WDFY1: variants seen among roughly 807,000 people sequenced by gnomAD.
WDFY1 encodes the protein WD repeat and FYVE domain containing 1.
Under a neutral mutation model 56.4 loss-of-function variants are expected in WDFY1, and 32 were observed. The ratio of observed to expected loss-of-function variants is 0.57; its 90% CI spans 0.43 to 0.76. The LOEUF (loss-of-function observed/expected upper bound fraction) is 0.76. Among genes scored for constraint, WDFY1 ranks in the 30% least tolerant of loss-of-function variants. The pLI, the probability that WDFY1 is intolerant of heterozygous loss-of-function variation, is 0.00. For synonymous variants in WDFY1, 192 were observed against 197.3 expected (o/e 0.97, Z 0.23); for missense variants, 480 against 545.7 (o/e 0.88, Z 1.20).
At chr2:223,891,652 A>G (rs1405336955) in intron 8 of WDFY1, among the ~76,000 whole-genome samples, 1 of 152,168 alleles carries the variant, frequency 6.6e-6, no homozygotes, top group African/African-American at 2.4e-5. Context: ...CTTTGACGGT[A>G]GGAATCCCAC....
chr2:223,892,821 A>G (rs1693301297), intron 8 of WDFY1, among the ~76,000 whole-genome samples: 1 of 152,260 alleles, frequency 6.6e-6, no homozygotes, highest in African/African-American at 2.4e-5. Flanking sequence ...CATGCAACAC[A>G]GTAGGTACTG....
Position 223,945,318 on chromosome 2 carries a change from G to A in WDFY1, c.-34C>T, listed in dbSNP as rs755675017. ...GGCGACTGCTGCGGCCTCCTCGGCA[G>A]GCAGCCCATCAGCTGACGCCTGGGC... On this transcript the variant is annotated 5_prime_UTR_variant, in exon 1 of 12. Coordinates refer to ENST00000233055, the MANE Select transcript of WDFY1 (RefSeq NM_020830.5). The A allele has an allele frequency of 1.3e-6, 2 of 1,548,064 alleles. No individual in the cohort carries two copies. Among genetic ancestry groups the A allele is most frequent in the East Asian group, 5.2e-5 (2 of 38,610 alleles).
chr2:223,917,309 T>C (rs1274440975), intron 2 of WDFY1, among the ~76,000 whole-genome samples: 1 of 152,154 alleles, frequency 6.6e-6, no homozygotes, highest in Non-Finnish European at 1.5e-5. Context: ...CCTTTTTTAG[T>C]GTTGATATCG....
chr2:223,931,245 C>T (rs7609400), intron 1 of WDFY1, among the ~76,000 whole-genome samples: 127,542 of 151,706 alleles, frequency 0.84, 54,335 homozygotes, highest in Non-Finnish European at 0.93. Flanking sequence ...AAAATGGAAG[C>T]AGTCACTGAA....
intron 6 of WDFY1, among the ~76,000 whole-genome samples, chr2:223,897,390 A>ATTTTTTT (rs1553536123): frequency 4.8e-5 from 6 of 125,994 alleles, no homozygotes; most frequent in African/African-American, 1.8e-4. Context: ...ATATATATAT[A>ATTTTTTT]TTTTTTAAGA....
chr2:223,919,279 C>T (rs1402590848), intron 1 of WDFY1, among the ~76,000 whole-genome samples: 5 of 152,328 alleles, frequency 3.3e-5, no homozygotes, highest in South Asian at 2.1e-4. Flanking sequence ...GGCACGATCT[C>T]GGCTCACTGC....
Position 223,882,054 on chromosome 2 carries a change from C to T in WDFY1, c.952G>A (p.Gly318Arg), listed in dbSNP as rs144919121. 3 of 1,613,634 alleles carry T rather than the reference C, an allele frequency of 1.9e-6. No individual in the cohort carries two copies. The highest frequency in any genetic ancestry group is 2.5e-6 in the Non-Finnish European group (3 of 1,179,730). The change falls in exon 10 of 12, where the codon GGG becomes AGG. Residue 318 changes from glycine (G) to arginine (R), a missense_variant. Physicochemically the swap from Gly to Arg is moderately radical, Grantham distance 125. Transcript: ENST00000233055. The stretch of plus-strand genomic sequence containing the variant: ...CTGCACTTCCCGCAGACAGCCTGCC[C>T]GCATTTCCTGCAGTGATGCTTCACA... Reference protein sequence around the residue: ...GLRQHHCRKCGQAVCGKCSSK... With the variant: ...GLRQHHCRKCRQAVCGKCSSK...
At chr2:223,928,786 G>T (rs1559174528) in intron 1 of WDFY1, among the ~76,000 whole-genome samples, 1 of 152,186 alleles carries the variant, frequency 6.6e-6, no homozygotes. Context: ...ACTCACCCTG[G>T]CCTATGCTGG....
chr2:223,911,566 C>CCACACA lies in WDFY1; in HGVS notation c.279+681_279+686dup, dbSNP rs58131865. The stretch of plus-strand genomic sequence containing the variant: ...GTTCTGTGAGTTGCTAGCTGAATGA[C>CCACACA]CACACACACACACACACACACACAC... On this transcript the variant is annotated intron_variant, in intron 3 of 11. Coordinates refer to ENST00000233055, the MANE Select transcript of WDFY1 (RefSeq NM_020830.5). Among the ~76,000 whole-genome samples, 692 of 136,112 alleles carry CCACACA rather than the reference C, an allele frequency of 5.1e-3. 3 individuals are homozygous for CCACACA. The highest frequency in any genetic ancestry group is 0.013 in the African/African-American group (484 of 36,240). 89.3% of individuals were successfully genotyped at this position (136,112 alleles called of 152,430 possible). A position where few individuals can be genotyped will look rare whatever the true frequency, so the allele number is the denominator to read the frequency against.
At chr2:223,912,227 A>G in intron 3 of WDFY1, 26 bp downstream of exon 3, 1 of 1,591,930 alleles carries the variant, frequency 6.3e-7, no homozygotes, top group Non-Finnish European at 8.5e-7. Context: ...AAAGAATACA[A>G]TAAATACATT....
intron 2 of WDFY1, among the ~76,000 whole-genome samples, chr2:223,915,981 C>G (rs1693780521): frequency 6.6e-6 from 1 of 152,210 alleles, no homozygotes; most frequent in Admixed American, 6.5e-5. Flanking sequence ...TACATGCAGA[C>G]ATGGGTAACA....
At chr2:223,914,145 C>T (rs1339181310) in intron 2 of WDFY1, among the ~76,000 whole-genome samples, 1 of 151,930 alleles carries the variant, frequency 6.6e-6, no homozygotes, top group South Asian at 2.1e-4. Flanking sequence ...TACAGGCAGC[C>T]ACCACCACAC....
intron 1 of WDFY1, among the ~76,000 whole-genome samples, chr2:223,918,902 T>C (rs552778447): frequency 9.9e-5 from 15 of 152,186 alleles, no homozygotes; most frequent in African/African-American, 3.6e-4. Context: ...CCACACCACA[T>C]CTCTGGGGCC....
intron 1 of WDFY1, among the ~76,000 whole-genome samples, chr2:223,936,058 C>CTTT (rs375847263): frequency 1.9e-5 from 2 of 105,656 alleles, no homozygotes; most frequent in South Asian, 3.5e-4. Context: ...TCCCAAAGTC[C>CTTT]TTTTTTTTTT....
intron 6 of WDFY1, 32 bp downstream of exon 6, chr2:223,898,925 CA>C (rs754482525): frequency 1.2e-5 from 19 of 1,572,010 alleles, no homozygotes; most frequent in East Asian, 4.5e-5. Context: ...CCAAGTTAGG[CA>C]AAAAAAACTC....
At chr2:223,930,440 T>C (rs1355525223) in intron 1 of WDFY1, among the ~76,000 whole-genome samples, 3 of 152,178 alleles carry the variant, frequency 2.0e-5, no homozygotes, top group Admixed American at 2.0e-4. Context: ...GGCGATTCTC[T>C]TGCCTCAGCC....
At chr2:223,932,092 T>G (rs1034341897) in intron 1 of WDFY1, among the ~76,000 whole-genome samples, 6 of 151,608 alleles carry the variant, frequency 4.0e-5, no homozygotes, top group African/African-American at 1.4e-4. Flanking sequence ...ACATATTTTC[T>G]AGTATGTATT....
intron 6 of WDFY1, 25 bp from the exon 7 acceptor site, chr2:223,895,655 G>T: frequency 6.2e-7 from 1 of 1,613,160 alleles, no homozygotes; most frequent in Non-Finnish European, 8.5e-7. Context: ...GAGAGAGAGA[G>T]AGAGGGAGGC....
intron 1 of WDFY1, among the ~76,000 whole-genome samples, chr2:223,921,966 C>T (rs1490898424): frequency 6.6e-6 from 1 of 152,164 alleles, no homozygotes; most frequent in Non-Finnish European, 1.5e-5. Context: ...TGTGCTGACC[C>T]CCAGCTACCT....
Sources: allele counts gnomAD v4.1 joint callset (sites outside exome capture counted in the v4.1 genomes callset), GRCh38; gene constraint gnomAD v4.1.1; transcripts MANE v1.5; gene names NCBI Gene and HGNC (gene_info 2026-07-23, HGNC 2026-07-21).